PEX14: variants seen among roughly 807,000 people sequenced by gnomAD.
PEX14 encodes the protein peroxisomal membrane protein PEX14.
In PEX14, 15 loss-of-function variants were observed where a neutral mutation model predicts 49.5. The observed-to-expected ratio is 0.30, with a 90% confidence interval of 0.20 to 0.47. The LOEUF (loss-of-function observed/expected upper bound fraction) is 0.47. PEX14 is among the 20% of genes least tolerant of loss of function. PEX14 has a pLI of 1.00. For synonymous variants in PEX14, 210 were observed against 212.7 expected (o/e 0.99, Z 0.11); for missense variants, 398 against 494.8 (o/e 0.80, Z 1.86).
chr1:10,480,090 A>C (rs1220365310), intron 1 of PEX14, among the ~76,000 whole-genome samples: 3 of 152,220 alleles, frequency 2.0e-5, no homozygotes, highest in Non-Finnish European at 2.9e-5. Context: ...CACCTGCTGC[A>C]TAGTAAGTGC....
rs186435263 is a variant in PEX14 at position 10,554,505 on chromosome 1, G to A, written c.169+18208G>A. On this transcript the variant is annotated intron_variant, in intron 3 of 8. Coordinates refer to ENST00000356607, the MANE Select transcript of PEX14 (RefSeq NM_004565.3). ...AAGAGGCAGGGAGAAGGGCATTTTC[G>A]CTTCTTGAAGCTTCTGCTCCTCTGC... Among the ~76,000 whole-genome samples the A allele has an allele frequency of 3.1e-3, 479 of 152,132 alleles. 4 individuals carry two copies. Among genetic ancestry groups the A allele is most frequent in the Non-Finnish European group, 5.1e-3 (346 of 67,990 alleles).
At chr1:10,485,521 G>A (rs1641352875) in intron 1 of PEX14, among the ~76,000 whole-genome samples, 1 of 150,986 alleles carries the variant, frequency 6.6e-6, no homozygotes, top group Non-Finnish European at 1.5e-5. Flanking sequence ...GTCTTGCTGT[G>A]TTGCGCAGGC....
At chr1:10,572,566 T>C (rs763932013) in intron 3 of PEX14, among the ~76,000 whole-genome samples, 1 of 152,154 alleles carries the variant, frequency 6.6e-6, no homozygotes, top group Admixed American at 6.6e-5. Context: ...AGACGGAGTC[T>C]TGCTGTCACC....
At chr1:10,538,194 C>T (rs771845513) in intron 3 of PEX14, among the ~76,000 whole-genome samples, 2 of 152,186 alleles carry the variant, frequency 1.3e-5, no homozygotes, top group South Asian at 2.1e-4. Flanking sequence ...AGCAGGGAGC[C>T]GGGGTGAGGA....
chr1:10,605,282 C>T (rs1641094786), intron 4 of PEX14, among the ~76,000 whole-genome samples: 1 of 152,178 alleles, frequency 6.6e-6, no homozygotes, highest in Non-Finnish European at 1.5e-5. Flanking sequence ...GTGCAGACTG[C>T]TCTGGGCAAG....
chr1:10,495,473 C>T lies in PEX14; in HGVS notation c.84+152C>T, dbSNP rs1641543140. ...TGCCTCTGTCAGTGACCTCTGACTT[C>T]TCTTCTCGCGTGTGGGGACGAGTGA... On this transcript the variant is annotated intron_variant, in intron 2 of 8. Transcript: ENST00000356607. This position sits in a 1 kb window ranked among gnomAD's most constrained non-coding sequence, Gnocchi z 4.2. 1 of 706,566 alleles carries T rather than the reference C, an allele frequency of 1.4e-6. No individual in the cohort carries two copies. Among genetic ancestry groups the T allele is most frequent in the Non-Finnish European group, 2.5e-6 (1 of 392,390 alleles). 43.8% of individuals were successfully genotyped at this position (706,566 alleles called of 1,614,324 possible).
At chr1:10,506,133 G>A (rs1219448150) in intron 2 of PEX14, among the ~76,000 whole-genome samples, 2 of 152,170 alleles carry the variant, frequency 1.3e-5, no homozygotes, top group Non-Finnish European at 2.9e-5. Context: ...CTCTGAACAA[G>A]GCAGGTCCTC....
At chr1:10,577,022 G>A (rs928772001) in intron 3 of PEX14, among the ~76,000 whole-genome samples, 7 of 151,864 alleles carry the variant, frequency 4.6e-5, no homozygotes, top group African/African-American at 1.5e-4. Flanking sequence ...GATTACAGGC[G>A]TGAGCCACCA....
intron 1 of PEX14, among the ~76,000 whole-genome samples, chr1:10,482,592 C>A (rs947974994): frequency 6.6e-6 from 1 of 152,068 alleles, no homozygotes; most frequent in Non-Finnish European, 1.5e-5. Context: ...TGCCACCATG[C>A]CCGGCTAATT....
chr1:10,574,016 C>T lies in PEX14; in HGVS notation c.170-25222C>T, dbSNP rs533660043. ...ACTCCGGAGGCTGAGGCAGGATAATCGCTTGAACCTGGGAGGTGGAGGTTG... is the reference window on the plus strand; with the variant it reads ...ACTCCGGAGGCTGAGGCAGGATAATTGCTTGAACCTGGGAGGTGGAGGTTG... On this transcript the variant is annotated intron_variant, in intron 3 of 8. Coordinates refer to ENST00000356607, the MANE Select transcript of PEX14 (RefSeq NM_004565.3). Among the ~76,000 whole-genome samples the T allele has an allele frequency of 3.3e-5, 5 of 152,254 alleles. No homozygotes were observed. In the South Asian group the frequency reaches 6.2e-4, roughly 19 times the overall value.
At position 10,536,326 on chromosome 1, in the gene PEX14, G is replaced by A. The variant is rs369596687; in HGVS notation, c.169+29G>A. 9.3e-5 allele frequency: 126 copies of A among 1,351,744 alleles called. 1 individual carries two copies. The highest frequency in any genetic ancestry group is 1.4e-4 in the African/African-American group (10 of 70,362). The allele number at this position is 1,351,744 out of a possible 1,614,324, so 83.7% of individuals were successfully genotyped here. On this transcript the variant is annotated intron_variant, in intron 3 of 8. Coordinates refer to ENST00000356607, the MANE Select transcript of PEX14 (RefSeq NM_004565.3). ...CAGGTTCCACAGGGCTGTGCAGCACGGCCTACAGGGGGACTGGGGCTGGGG... is the reference window on the plus strand; with the variant it reads ...CAGGTTCCACAGGGCTGTGCAGCACAGCCTACAGGGGGACTGGGGCTGGGG...
chr1:10,558,736 CAA>C lies in PEX14; in HGVS notation c.169+22458_169+22459del, dbSNP rs34343338. Among the ~76,000 whole-genome samples the C allele has an allele frequency of 7.8e-3, 881 of 113,406 alleles. 4 individuals carry two copies. Among genetic ancestry groups the C allele is most frequent in the African/African-American group, 0.023 (746 of 31,990 alleles). The allele number at this position is 113,406 out of a possible 152,430, so 74.4% of individuals were successfully genotyped here. The stretch of plus-strand genomic sequence containing the variant: ...TGGGCGACAGAATGAGACCCTGTCT[CAA>C]AAAAAAAAAAAAAAAAAAGAAAGAA... On this transcript the variant is annotated intron_variant, in intron 3 of 8. Coordinates refer to ENST00000356607, the MANE Select transcript of PEX14 (RefSeq NM_004565.3).
At chr1:10,502,550 C>T (rs1030983297) in intron 2 of PEX14, among the ~76,000 whole-genome samples, 2 of 151,932 alleles carry the variant, frequency 1.3e-5, no homozygotes, top group Non-Finnish European at 2.9e-5. Flanking sequence ...TTAGATGAAT[C>T]GAAACTCTTA....
At chr1:10,538,073 C>T (rs1248412879) in intron 3 of PEX14, among the ~76,000 whole-genome samples, 2 of 152,194 alleles carry the variant, frequency 1.3e-5, no homozygotes, top group African/African-American at 2.4e-5. Context: ...AGACAAAATC[C>T]CTGCCCTCGC....
intron 4 of PEX14, among the ~76,000 whole-genome samples, chr1:10,609,393 A>G (rs1326420751): frequency 6.6e-6 from 1 of 152,212 alleles, no homozygotes; most frequent in South Asian, 2.1e-4. Flanking sequence ...ATCAATTTTA[A>G]GTATACAATT....
intron 2 of PEX14, among the ~76,000 whole-genome samples, chr1:10,520,222 G>A (rs542172380): frequency 3.9e-4 from 57 of 147,956 alleles, no homozygotes; most frequent in Admixed American, 1.7e-3. Context: ...GCAGTGCTGC[G>A]GTCATAGGTC....
At chr1:10,535,883 G>A in intron 2 of PEX14, 2 of 375,316 alleles carry the variant, frequency 5.3e-6, no homozygotes, top group South Asian at 4.3e-5. Context: ...GCACAAGGGC[G>A]GCGACATGGG....
At chr1:10,499,777 C>T (rs1038905715) in intron 2 of PEX14, among the ~76,000 whole-genome samples, 3 of 152,058 alleles carry the variant, frequency 2.0e-5, no homozygotes, top group Non-Finnish European at 2.9e-5. Context: ...TAACTGATGA[C>T]AGCAATTTCT....
intron 2 of PEX14, among the ~76,000 whole-genome samples, chr1:10,500,378 A>G (rs1326508570): frequency 2.2e-5 from 3 of 137,716 alleles, no homozygotes; most frequent in African/African-American, 9.2e-5. Flanking sequence ...TGTCTCAAAA[A>G]AAAAAAAAAA....
Sources: gnomAD v4.1 joint callset for allele counts (sites outside exome capture counted in the v4.1 genomes callset) on GRCh38, gnomAD v4.1.1 for gene constraint, Gnocchi (gnomAD v3.1) non-coding constraint, MANE v1.5 for transcripts, NCBI Gene and HGNC (gene_info 2026-07-23, HGNC 2026-07-21) for gene names.